TGFBRAP1: variants seen among roughly 807,000 people sequenced by gnomAD.
TGFBRAP1 encodes the protein transforming growth factor beta receptor associated protein 1.
A neutral mutation model predicts 83.2 loss-of-function variants in TGFBRAP1; 20 were observed. The ratio of observed to expected loss-of-function variants is 0.24; its 90% CI spans 0.17 to 0.35. The LOEUF (loss-of-function observed/expected upper bound fraction) is 0.35. Among genes scored for constraint, TGFBRAP1 ranks in the 10% least tolerant of loss-of-function variants. The pLI, the probability that TGFBRAP1 is intolerant of heterozygous loss-of-function variation, is 1.00. For missense variants in TGFBRAP1, 950 were observed against 1,099.4 expected (o/e 0.86, Z 1.92); for synonymous variants, 415 against 459.8 (o/e 0.90, Z 1.25).
At chr2:105,311,155 A>AAAC (rs1678677513) in intron 1 of TGFBRAP1, among the ~76,000 whole-genome samples, 1 of 144,262 alleles carries the variant, frequency 6.9e-6, no homozygotes, top group African/African-American at 2.5e-5. Flanking sequence ...TAAAAAAAAA[A>AAAC]AAAAAACAAA....
chr2:105,280,944 C>T (rs949732031), intron 5 of TGFBRAP1, among the ~76,000 whole-genome samples: 5 of 151,892 alleles, frequency 3.3e-5, no homozygotes, highest in African/African-American at 4.8e-5. Context: ...ACAGAAGGGA[C>T]GAAGGTGAAA....
At chr2:105,283,732 G>C (rs889175622) in intron 5 of TGFBRAP1, among the ~76,000 whole-genome samples, 4 of 152,208 alleles carry the variant, frequency 2.6e-5, no homozygotes, top group Non-Finnish European at 2.9e-5. Context: ...TGGCGGGCAG[G>C]GGAAAGGGGA....
chr2:105,251,256 G>A, the TGFBRAP1 span, among the ~76,000 whole-genome samples: 1 of 145,116 alleles, frequency 6.9e-6, no homozygotes, highest in Non-Finnish European at 1.5e-5. Flanking sequence ...GAGCGTCTCT[G>A]CCTGGCTGCC....
At chr2:105,322,056 C>T (rs930247513) in intron 1 of TGFBRAP1, among the ~76,000 whole-genome samples, 2 of 152,052 alleles carry the variant, frequency 1.3e-5, no homozygotes, top group Admixed American at 6.5e-5. Context: ...TTACTGCCCC[C>T]GAAGACCTTC....
intron 3 of TGFBRAP1, among the ~76,000 whole-genome samples, chr2:105,297,899 T>C (rs1439413771): frequency 6.6e-6 from 1 of 152,230 alleles, no homozygotes; most frequent in Non-Finnish European, 1.5e-5. Context: ...ACTTTGTCTC[T>C]CTTACCACTT....
chr2:105,294,307 GGTGTGT>G (rs3060066), intron 4 of TGFBRAP1, among the ~76,000 whole-genome samples: 87 of 147,944 alleles, frequency 5.9e-4, no homozygotes, highest in Non-Finnish European at 8.9e-4. Flanking sequence ...TAGGAGTGAG[GGTGTGT>G]GTGTGTGTGT....
At chr2:105,313,756 G>A (rs1273556130) in intron 1 of TGFBRAP1, among the ~76,000 whole-genome samples, 1 of 151,616 alleles carries the variant, frequency 6.6e-6, no homozygotes, top group Non-Finnish European at 1.5e-5. Context: ...ATTGGTTTAA[G>A]GAAATAAAAT....
rs1676904328 is a variant in TGFBRAP1, at chr2:105,265,653, C to T, written c.*1730G>A. ...ATATGACCATTCTACAACAGAGTCA[C>T]CCACAGGTAAAACACATGACTGGGC... On this transcript the variant is annotated 3_prime_UTR_variant, in exon 12 of 12. Coordinates refer to ENST00000393359, the MANE Select transcript of TGFBRAP1 (RefSeq NM_004257.6). The T allele has an allele frequency of 1.3e-5, 2 of 152,606 alleles. No individual in the cohort carries two copies. Among genetic ancestry groups the T allele is most frequent in the South Asian group, 4.1e-4 (2 of 4,830 alleles). 9.5% of individuals were successfully genotyped at this position (152,606 alleles called of 1,614,324 possible).
chr2:105,276,741 G>A (rs189021460), intron 7 of TGFBRAP1, among the ~76,000 whole-genome samples: 11 of 152,190 alleles, frequency 7.2e-5, no homozygotes, highest in Admixed American at 3.9e-4. Context: ...ATCTACTCTT[G>A]GCCATTGGGT....
intron 4 of TGFBRAP1, 73 bp downstream of exon 4, chr2:105,296,283 C>A (rs1319093677): frequency 1.3e-6 from 2 of 1,572,992 alleles, no homozygotes; most frequent in East Asian, 2.2e-5. Context: ...AGGGCCGATG[C>A]ATGTTAGTTA....
At chr2:105,275,787 G>A (rs1223109844) in intron 7 of TGFBRAP1, 84 bp from the exon 8 acceptor site, 7 of 1,401,610 alleles carry the variant, frequency 5.0e-6, no homozygotes, top group Admixed American at 2.5e-5. Context: ...GTTGAGAAAT[G>A]GCATATGTTT....
At chr2:105,256,472 G>C in the TGFBRAP1 span, among the ~76,000 whole-genome samples, 1 of 152,112 alleles carries the variant, frequency 6.6e-6, no homozygotes, top group Non-Finnish European at 1.5e-5. Flanking sequence ...TCTAGCATTT[G>C]TCCCACTCTG....
rs778004102 is a variant in TGFBRAP1, at chr2:105,269,407, C to A, written c.2271G>T (p.Leu757=). The change falls in exon 11 of 12, where the codon CTG becomes CTT. Residue 757 remains leucine (L), a synonymous_variant. Transcript: ENST00000393359. This position sits in a 1 kb window ranked among gnomAD's most constrained non-coding sequence, Gnocchi z 4.1. ...EFDAAQVLQM[L]PDTWSVQLLC... Reference sequence around the variant, plus strand: ...GGAGCTGCACTGACCAGGTGTCAGGCAGCATCTGCAGCACCTGGGCTGCAT... The same window carrying A: ...GGAGCTGCACTGACCAGGTGTCAGGAAGCATCTGCAGCACCTGGGCTGCAT... 1 of 1,613,990 alleles carries A rather than the reference C, an allele frequency of 6.2e-7. No homozygotes were observed. The highest frequency in any genetic ancestry group is 1.1e-5 in the South Asian group (1 of 91,062).
At chr2:105,250,384 T>C in the TGFBRAP1 span, among the ~76,000 whole-genome samples, 6 of 152,216 alleles carry the variant, frequency 3.9e-5, no homozygotes, top group African/African-American at 1.4e-4. Flanking sequence ...GCCTCTGGCA[T>C]CTGCTGTCCC....
chr2:105,317,816 G>C (rs766542227), intron 1 of TGFBRAP1, among the ~76,000 whole-genome samples: 8 of 152,146 alleles, frequency 5.3e-5, no homozygotes, highest in Non-Finnish European at 7.4e-5. Context: ...ACAGAAGGAT[G>C]GGCGAAATAC....
chr2:105,296,509 T>C lies in TGFBRAP1; in HGVS notation c.885A>G (p.Gly295=). Reference sequence around the variant, plus strand: ...CTTTACTTGTGGCAACGATCACTCTTCCTGTGAAGAAATTCAGCATTGTTG... The same window carrying C: ...CTTTACTTGTGGCAACGATCACTCTCCCTGTGAAGAAATTCAGCATTGTTG... ...KEGHILQDFE[G]RVIVATSKGV... is the part of the protein sequence containing the mutation. The change falls in exon 4 of 12, where the codon GGA becomes GGG. Residue 295 remains glycine, a splice_region_variant and synonymous_variant. Coordinates refer to ENST00000393359, the MANE Select transcript of TGFBRAP1 (RefSeq NM_004257.6). 1 of 1,603,906 alleles carries C rather than the reference T, an allele frequency of 6.2e-7. No homozygotes were observed. Among genetic ancestry groups the C allele is most frequent in the Non-Finnish European group, 8.5e-7 (1 of 1,176,760 alleles).
the TGFBRAP1 span, among the ~76,000 whole-genome samples, chr2:105,256,340 A>C: frequency 4.6e-5 from 7 of 151,842 alleles, no homozygotes; most frequent in Middle Eastern, 3.4e-3. Context: ...CCTTTCTCTC[A>C]TTTCCAAGGG....
At chr2:105,326,105 A>G (rs1373886017) in intron 1 of TGFBRAP1, among the ~76,000 whole-genome samples, 2 of 152,352 alleles carry the variant, frequency 1.3e-5, no homozygotes, top group Middle Eastern at 3.4e-3. Context: ...TATTTAATAT[A>G]TGTAACTATT....
At chr2:105,316,463 G>A (rs1478062106) in intron 1 of TGFBRAP1, among the ~76,000 whole-genome samples, 1 of 38,954 alleles carries the variant, frequency 2.6e-5, no homozygotes, top group Non-Finnish European at 5.4e-5. Context: ...GTGTGTGTGT[G>A]CGCGCGCGCG....
Sources: gnomAD v4.1 joint callset for allele counts (sites outside exome capture counted in the v4.1 genomes callset) on GRCh38, gnomAD v4.1.1 for gene constraint, Gnocchi (gnomAD v3.1) non-coding constraint, MANE v1.5 for transcripts, NCBI Gene and HGNC (gene_info 2026-07-23, HGNC 2026-07-21) for gene names.